Variants in NEBL observed in about 807,000 individuals in gnomAD.
NEBL encodes the protein LIM and SH3 protein 2.
NEBL carries 122 observed loss-of-function variants against 140.2 expected under a neutral mutation model. The ratio of observed to expected loss-of-function variants is 0.87; its 90% confidence interval spans 0.75 to 1.01. The LOEUF is 1.01. Ranked by LOEUF, NEBL falls within the 50% of genes least tolerant of loss-of-function variation. The probability of loss-of-function intolerance (pLI) is 0.00; values close to 1 mark genes in which losing one functional copy is unlikely to be tolerated. For missense variants in NEBL, 1,365 were observed against 1,231.3 expected (o/e 1.11, Z -1.62); for synonymous variants, 436 against 398.9 (o/e 1.09, Z -1.11).
chr10:20,915,581 G>A (rs915848397), intron 4 of NEBL, among the ~76,000 whole-genome samples: 2 of 151,612 alleles, frequency 1.3e-5, no homozygotes, highest in African/African-American at 2.4e-5. Context: ...CAAAGGACAT[G>A]AACTCATCAT....
chr10:20,905,342 G>T (rs563786875), intron 4 of NEBL, among the ~76,000 whole-genome samples: 3 of 152,146 alleles, frequency 2.0e-5, no homozygotes, highest in Non-Finnish European at 4.4e-5. Flanking sequence ...AATAAAAGAG[G>T]TTTAATTGAC....
intron 2 of NEBL, among the ~76,000 whole-genome samples, chr10:21,105,356 G>A (rs1837664601): frequency 6.6e-6 from 1 of 151,564 alleles, no homozygotes; most frequent in African/African-American, 2.4e-5. Context: ...CCCCCGACAG[G>A]CCCCAGTGTG....
At chr10:21,029,551 G>C (rs1239388660) in intron 2 of NEBL, 2 of 1,605,336 alleles carry the variant, frequency 1.2e-6, no homozygotes, top group East Asian at 2.2e-5. Flanking sequence ...TCGTTCTTTT[G>C]GCCGTGATAG....
chr10:20,961,789 AG>A, intron 3 of NEBL: 1 of 1,601,222 alleles, frequency 6.2e-7, no homozygotes, highest in East Asian at 2.2e-5. Flanking sequence ...CCTAACAAGA[AG>A]GGGGAAAAGA....
chr10:20,907,958 C>T (rs1588991805), intron 4 of NEBL, among the ~76,000 whole-genome samples: 1 of 152,150 alleles, frequency 6.6e-6, no homozygotes, highest in East Asian at 1.9e-4. Flanking sequence ...ATACCTCATC[C>T]AAGCTATGCT....
chr10:21,175,412 G>A (rs1336966113), upstream of NEBL, among the ~76,000 whole-genome samples: 1 of 152,200 alleles, frequency 6.6e-6, no homozygotes, highest in Non-Finnish European at 1.5e-5. Context: ...TAACAAAGAA[G>A]CGAACACATT....
At chr10:20,831,941 C>A (rs1029319832) in intron 14 of NEBL, among the ~76,000 whole-genome samples, 1 of 152,164 alleles carries the variant, frequency 6.6e-6, no homozygotes, top group Admixed American at 6.5e-5. Flanking sequence ...GTTTTTCACT[C>A]TGTAGTGAAT....
intron 3 of NEBL, among the ~76,000 whole-genome samples, chr10:21,235,165 G>A (rs905528270): frequency 5.3e-5 from 8 of 151,988 alleles, no homozygotes; most frequent in Non-Finnish European, 1.2e-4. Flanking sequence ...GCATGGTGGT[G>A]TGCGCCTGTA....
Position 20,897,082 on chromosome 10 carries a change from T to C in NEBL, c.81+43A>G. On this transcript the variant is annotated intron_variant, in intron 1 of 27. Coordinates refer to ENST00000377122, the MANE Select transcript of NEBL (RefSeq NM_006393.3). The stretch of plus-strand genomic sequence containing the variant: ...AAGAACATTTTTCTCATTGTCAATT[T>C]AGAGGAACAAACGCTGGTCTGAGTA... 3 of 1,598,890 alleles carry C rather than the reference T, an allele frequency of 1.9e-6. No homozygotes were observed. The South Asian group carries it at 3.3e-5, about 18-fold the overall frequency.
At chr10:20,983,749 T>C (rs1418571689) in intron 3 of NEBL, among the ~76,000 whole-genome samples, 7 of 152,198 alleles carry the variant, frequency 4.6e-5, no homozygotes, top group Non-Finnish European at 8.8e-5. Flanking sequence ...ATGAGACATA[T>C]ACACTTACCC....
chr10:20,816,888 C>CA (rs1035120168), intron 21 of NEBL, among the ~76,000 whole-genome samples: 1 of 151,944 alleles, frequency 6.6e-6, no homozygotes, highest in African/African-American at 2.4e-5. Flanking sequence ...AGACTTTGCC[C>CA]AAAAATGGAG....
chr10:20,840,761 C>G lies in NEBL; in HGVS notation c.1316G>C (p.Arg439Pro). ...CACCTCACTTGCCATTTCAGAGGCT[C>G]GCTTTGCTCTTTGGATATCAAGAAC... ...SEVLDIQRAK[R>P]ASEMASEKEY... is the part of the protein sequence containing the mutation. Residue 439 changes from arginine (R) to proline (P), a missense_variant, in exon 13 of 28, where the codon CGA becomes CCA. Around this residue, in one of 2 missense-constraint regions of NEBL, gnomAD observed 1,323 missense variants for 1,154.8 expected, o/e 1.15. Transcript: ENST00000377122. 1.2e-6 allele frequency: 2 copies of G among 1,610,894 alleles called. No homozygotes were observed. The highest frequency in any genetic ancestry group is 1.7e-6 in the Non-Finnish European group (2 of 1,177,580).
intron 1 of NEBL, among the ~76,000 whole-genome samples, chr10:21,265,351 G>C (rs1224706174): frequency 6.6e-6 from 1 of 152,098 alleles, no homozygotes; most frequent in Non-Finnish European, 1.5e-5. Flanking sequence ...CAGTGGGAGG[G>C]GGACACCAAC....
At chr10:21,187,998 C>T (rs1024444900) in intron 3 of NEBL, among the ~76,000 whole-genome samples, 3 of 152,112 alleles carry the variant, frequency 2.0e-5, no homozygotes, top group Non-Finnish European at 2.9e-5. Context: ...GAGTGTTTCT[C>T]TCTCGGGCTT....
chr10:20,863,193 C>A (rs1843908393), intron 7 of NEBL, among the ~76,000 whole-genome samples: 1 of 152,128 alleles, frequency 6.6e-6, no homozygotes, highest in Admixed American at 6.6e-5. Context: ...TGCATATCCT[C>A]ATATGAGGAT....
At position 20,942,654 on chromosome 10, in the gene NEBL, C is replaced by T. The variant is rs562670836; in HGVS notation, c.357+19018G>A. On this transcript the variant is annotated intron_variant, in intron 4 of 6. Transcript: ENST00000417816. ...AACTACCATCAGAGTGAACAGGTGACCTACAGAATGGGAGAAAATTTCTGC... is the reference window on the plus strand; with the variant it reads ...AACTACCATCAGAGTGAACAGGTGATCTACAGAATGGGAGAAAATTTCTGC... Among the ~76,000 whole-genome samples, 5 of 152,240 alleles carry T rather than the reference C, an allele frequency of 3.3e-5. No homozygotes were observed. In the South Asian group the frequency reaches 8.3e-4, roughly 25 times the overall value.
chr10:21,185,656 C>G (rs886673497), intron 3 of NEBL, among the ~76,000 whole-genome samples: 8 of 151,788 alleles, frequency 5.3e-5, no homozygotes, highest in Non-Finnish European at 8.8e-5. Flanking sequence ...GCCACCACAC[C>G]TGGCTAATTT....
chr10:20,917,380 G>T (rs1799612090), intron 4 of NEBL, among the ~76,000 whole-genome samples: 1 of 152,146 alleles, frequency 6.6e-6, no homozygotes, highest in South Asian at 2.1e-4. Flanking sequence ...TAATGGCAAA[G>T]AATTTTTCAT....
At chr10:21,029,710 T>A in intron 2 of NEBL, 1 of 920,960 alleles carries the variant, frequency 1.1e-6, no homozygotes, top group Non-Finnish European at 1.8e-6. Context: ...CCGTGGGTAT[T>A]GGTATGAGTA....
Sources: allele counts gnomAD v4.1 joint callset (sites outside exome capture counted in the v4.1 genomes callset), GRCh38; gene constraint gnomAD v4.1.1; regional missense constraint gnomAD v4.1.1; transcripts MANE v1.5; gene names NCBI Gene and HGNC (gene_info 2026-07-23, HGNC 2026-07-21).